PDE1A: variants seen among roughly 807,000 people sequenced by gnomAD.
PDE1A encodes the protein phosphodiesterase 1A, also known as dual specificity calcium/calmodulin-dependent 3',5'-cyclic nucleotide phosphodiesterase 1A.
PDE1A carries 35 observed loss-of-function variants against 61.7 expected under a neutral mutation model. That is an observed-to-expected ratio of 0.57 (90% CI 0.43 to 0.75). PDE1A has a LOEUF of 0.75. Ranked by LOEUF, PDE1A falls within the 30% of genes least tolerant of loss-of-function variation. The pLI, the probability that PDE1A is intolerant of heterozygous loss-of-function variation, is 0.00. For synonymous variants in PDE1A, 232 were observed against 213.2 expected (o/e 1.09, Z -0.77); for missense variants, 597 against 630.6 (o/e 0.95, Z 0.57).
chr2:182,169,687 C>G (rs1331588423), intron 13 of PDE1A, among the ~76,000 whole-genome samples: 1 of 151,970 alleles, frequency 6.6e-6, no homozygotes, highest in African/African-American at 2.4e-5. Context: ...TCACAGACCA[C>G]CCCTACTTTC....
chr2:182,386,727 G>A (rs1209518716), intron 1 of PDE1A, among the ~76,000 whole-genome samples: 1 of 151,938 alleles, frequency 6.6e-6, no homozygotes, highest in Admixed American at 6.5e-5. Flanking sequence ...GTCTCCGCCC[G>A]GCAGCCACCT....
chr2:182,440,022 T>C (rs1190367001), intron 2 of PDE1A, among the ~76,000 whole-genome samples: 2 of 152,078 alleles, frequency 1.3e-5, no homozygotes, highest in African/African-American at 4.8e-5. Flanking sequence ...TGGAATTCAC[T>C]TGAATAATCT....
intron 1 of PDE1A, among the ~76,000 whole-genome samples, chr2:182,402,142 C>T (rs749263297): frequency 6.6e-6 from 1 of 152,162 alleles, no homozygotes; most frequent in African/African-American, 2.4e-5. Context: ...CAAGCTACCA[C>T]TGACTTTCTT....
At chr2:182,621,475 A>G in the PDE1A span, among the ~76,000 whole-genome samples, 2 of 152,128 alleles carry the variant, frequency 1.3e-5, no homozygotes, top group Non-Finnish European at 2.9e-5. Flanking sequence ...TCTCCAACCT[A>G]TCACACTCTC....
At chr2:182,169,274 G>T (rs532708958) in intron 13 of PDE1A, among the ~76,000 whole-genome samples, 2 of 151,902 alleles carry the variant, frequency 1.3e-5, no homozygotes, top group Non-Finnish European at 1.5e-5. Context: ...CAGTTTTAAG[G>T]AAAGAATATT....
chr2:182,642,491 A>T, the PDE1A span, among the ~76,000 whole-genome samples: 2 of 152,252 alleles, frequency 1.3e-5, no homozygotes, highest in East Asian at 3.9e-4. Flanking sequence ...TGTGAGTTAC[A>T]TGCTCATCCC....
chr2:182,709,294 T>A, the PDE1A span, among the ~76,000 whole-genome samples: 1 of 152,214 alleles, frequency 6.6e-6, no homozygotes, highest in Non-Finnish European at 1.5e-5. Context: ...TATTTTTACA[T>A]ATCAATTGTT....
chr2:182,363,756 T>C (rs1699652870), intron 1 of PDE1A, among the ~76,000 whole-genome samples: 1 of 152,052 alleles, frequency 6.6e-6, no homozygotes, highest in Non-Finnish European at 1.5e-5. Flanking sequence ...TATGGAGTGG[T>C]TTCATAAGGA....
At chr2:182,381,678 G>T (rs1052610194) in intron 1 of PDE1A, among the ~76,000 whole-genome samples, 1 of 152,102 alleles carries the variant, frequency 6.6e-6, no homozygotes, top group Non-Finnish European at 1.5e-5. Flanking sequence ...CAGGCATGGT[G>T]GTGCATGCCT....
intron 6 of PDE1A, among the ~76,000 whole-genome samples, chr2:182,224,296 A>G: frequency 6.6e-6 from 1 of 151,904 alleles, no homozygotes; most frequent in Non-Finnish European, 1.5e-5. Flanking sequence ...AATCAATTAC[A>G]GTTTGGTGAT....
chr2:182,500,978 C>T (rs1414168939), intron 2 of PDE1A, among the ~76,000 whole-genome samples: 2 of 152,168 alleles, frequency 1.3e-5, no homozygotes, highest in African/African-American at 2.4e-5. Context: ...ATGTGTGTAG[C>T]TATTTTGTTA....
At chr2:182,261,864 G>A (rs925457015) in intron 2 of PDE1A, among the ~76,000 whole-genome samples, 3 of 152,118 alleles carry the variant, frequency 2.0e-5, no homozygotes, top group Non-Finnish European at 4.4e-5. Context: ...GATGAATAAC[G>A]AAATCTTCAA....
exon 15 of PDE1A, chr2:182,141,581 T>C (rs1393592359): frequency 6.6e-6 from 1 of 152,200 alleles, no homozygotes; most frequent in Non-Finnish European, 1.5e-5. Flanking sequence ...CAAATATATC[T>C]TAAATTACAA....
chr2:182,708,182 C>T, the PDE1A span, among the ~76,000 whole-genome samples: 75 of 151,986 alleles, frequency 4.9e-4, no homozygotes, highest in Non-Finnish European at 9.1e-4. Context: ...GACTAGGCTC[C>T]CCAGATTCAA....
chr2:182,316,765 C>T (rs1696363359), intron 1 of PDE1A, among the ~76,000 whole-genome samples: 1 of 152,052 alleles, frequency 6.6e-6, no homozygotes, highest in South Asian at 2.1e-4. Context: ...TATACGAAAA[C>T]ATTTTAAAAA....
intron 1 of PDE1A, among the ~76,000 whole-genome samples, chr2:182,416,599 T>C (rs1702932970): frequency 6.6e-6 from 1 of 152,184 alleles, no homozygotes; most frequent in Non-Finnish European, 1.5e-5. Flanking sequence ...GAGAAGTTTC[T>C]TGAGGACAGG....
At chr2:182,711,834 TA>T in the PDE1A span, among the ~76,000 whole-genome samples, 1 of 152,090 alleles carries the variant, frequency 6.6e-6, no homozygotes, top group Non-Finnish European at 1.5e-5. Context: ...ACCCATAGAA[TA>T]AAAAATCCAT....
chr2:182,411,638 G>C (rs1702621836), intron 1 of PDE1A, among the ~76,000 whole-genome samples: 1 of 152,090 alleles, frequency 6.6e-6, no homozygotes, highest in Non-Finnish European at 1.5e-5. Context: ...TAAATCAATG[G>C]TTCTCAATTG....
chr2:182,386,561 C>G (rs1432361087), intron 1 of PDE1A, among the ~76,000 whole-genome samples: 6 of 151,080 alleles, frequency 4.0e-5, no homozygotes, highest in African/African-American at 1.2e-4. Context: ...AGGAGCCCCT[C>G]CGCCCAGCAG....
Sources: allele counts gnomAD v4.1 joint callset (sites outside exome capture counted in the v4.1 genomes callset), GRCh38; gene constraint gnomAD v4.1.1; transcripts MANE v1.5; gene names NCBI Gene and HGNC (gene_info 2026-07-23, HGNC 2026-07-21).